Variants in VPS13C observed in about 807,000 individuals in gnomAD.
VPS13C encodes the protein intermembrane lipid transfer protein VPS13C.
Under a neutral mutation model 456.8 loss-of-function variants are expected in VPS13C, and 358 were observed. The observed-to-expected ratio is 0.78, with a 90% confidence interval of 0.72 to 0.86. The LOEUF (loss-of-function observed/expected upper bound fraction) is 0.86, where lower values mean the gene tolerates loss of function less well. Among genes scored for constraint, VPS13C ranks in the 40% least tolerant of loss-of-function variants. The pLI, the probability that VPS13C is intolerant of heterozygous loss-of-function variation, is 0.00. For missense variants in VPS13C, 4,818 were observed against 4,385.4 expected, an observed-to-expected ratio of 1.10 and a Z score of -2.79; for synonymous variants, 1,578 against 1,486.7, an observed-to-expected ratio of 1.06 and a Z score of -1.41.
chr15:61,944,502 G>A (rs753951938), intron 45 of VPS13C, among the ~76,000 whole-genome samples: 1 of 152,126 alleles, frequency 6.6e-6, no homozygotes, highest in Non-Finnish European at 1.5e-5. Context: ...AATGCAGCTG[G>A]AGGCCATTAT....
chr15:61,857,335 T>C (rs1314222832), intron 82 of VPS13C, among the ~76,000 whole-genome samples: 2 of 152,002 alleles, frequency 1.3e-5, no homozygotes, highest in Non-Finnish European at 1.5e-5. Context: ...ACTGGCAAAG[T>C]AGGTGACACA....
intron 79 of VPS13C, among the ~76,000 whole-genome samples, chr15:61,870,072 TATACC>T (rs1425745512): frequency 6.6e-6 from 1 of 152,244 alleles, no homozygotes; most frequent in African/African-American, 2.4e-5. Context: ...ATGCAATTCA[TATACC>T]ATAAAATTTA....
intron 60 of VPS13C, 112 bp from the exon 61 acceptor site, chr15:61,916,134 CT>C: frequency 8.1e-7 from 1 of 1,229,258 alleles, no homozygotes; most frequent in Non-Finnish European, 1.1e-6. Flanking sequence ...ACTGCTAAGT[CT>C]TCTGTGAAGT....
chr15:61,947,936 C>T (rs2140279711), intron 42 of VPS13C, among the ~76,000 whole-genome samples: 1 of 152,266 alleles, frequency 6.6e-6, no homozygotes, highest in South Asian at 2.1e-4. Context: ...CACAATCAAA[C>T]TAGCGCCCTA....
In VPS13C at chr15:62,044,465, AAAG is replaced by A. The variant is rs533692517; in HGVS notation, c.101-213_101-211del. Among the ~76,000 whole-genome samples the A allele has an allele frequency of 4.6e-5, 7 of 152,288 alleles. No individual in the cohort carries two copies. The South Asian group carries it at 1.4e-3, about 32-fold the overall frequency. ...GCATACTATAGGTTAATCCAGTGTA[AAAG>A]AAGTTATAACACATTAAACTAGCTA... On this transcript the variant is annotated intron_variant, in intron 1 of 84. Coordinates refer to ENST00000644861, the MANE Select transcript of VPS13C (RefSeq NM_020821.3).
chr15:61,908,576 A>G (rs1162290907), intron 65 of VPS13C, among the ~76,000 whole-genome samples: 1 of 152,062 alleles, frequency 6.6e-6, no homozygotes, highest in African/African-American at 2.4e-5. Flanking sequence ...CTAAATACAG[A>G]TTTATAGGAA....
Position 61,914,876 on chromosome 15 carries a change from C to T in VPS13C, c.8445+757G>A, listed in dbSNP as rs1384112674. 8.1e-3 allele frequency among the ~76,000 whole-genome samples: 529 copies of T among 65,082 alleles called. 26 individuals are homozygous for T. Among genetic ancestry groups the T allele is most frequent in the East Asian group, 0.044 (75 of 1,702 alleles). The allele number at this position is 65,082 out of a possible 152,430, so 42.7% of individuals were successfully genotyped here. ...CCACCGAGCCTGGCCAAAACTCTGC[C>T]TTAAAAAAAAAAAAAAAAAAAAAAA... On this transcript the variant is annotated intron_variant, in intron 61 of 84. Transcript: ENST00000644861.
rs145538497 is a variant in VPS13C at position 61,962,386 on chromosome 15, G to A, written c.3588C>T (p.Phe1196=). Residue 1196 remains phenylalanine (F), a synonymous_variant, in exon 34 of 85, where the codon TTC becomes TTT. Coordinates refer to ENST00000644861, the MANE Select transcript of VPS13C (RefSeq NM_020821.3). ...GCIQIVYLHK[F]LMSLLNFLNN... ...ATTATTTTACCAGAAGTGACATAAG[G>A]AATTTATGAAGATAGACAATCTGAA... The A allele has an allele frequency of 1.6e-5, 26 of 1,584,994 alleles. No homozygotes were observed. In the African/African-American group the frequency reaches 3.0e-4, roughly 18 times the overall value.
intron 37 of VPS13C, among the ~76,000 whole-genome samples, chr15:61,956,353 C>T (rs12909947): frequency 0.53 from 80,245 of 150,786 alleles, 21,681 homozygotes; most frequent in Middle Eastern, 0.71. Flanking sequence ...TGGGGGAGGG[C>T]TGAAAAACTA....
chr15:61,952,121 G>A, intron 38 of VPS13C, 141 bp from the exon 39 acceptor site: 1 of 1,016,588 alleles, frequency 9.8e-7, no homozygotes. Context: ...TGTGCCTGCA[G>A]TTTGGCATGA....
At chr15:61,945,101 T>G (rs2044560197) in intron 45 of VPS13C, among the ~76,000 whole-genome samples, 1 of 152,216 alleles carries the variant, frequency 6.6e-6, no homozygotes, top group South Asian at 2.1e-4. Flanking sequence ...AAGCTTGTTC[T>G]TGTCTGCTGT....
Position 61,962,843 on chromosome 15 carries a change from G to T in VPS13C, c.3341C>A (p.Ser1114Tyr). Reference sequence around the variant, plus strand: ...CTTTCTTGACTGGAGAGAAAGGGAGGAATCCAGTCCTGAAAAAAAGAGTGT... The same window carrying T: ...CTTTCTTGACTGGAGAGAAAGGGAGTAATCCAGTCCTGAAAAAAAGAGTGT... ...IAEIKIQGLD[S>Y]SLSLQSRKQS... Residue 1114 changes from serine to tyrosine, a missense_variant, in exon 33 of 85, where the codon TCC becomes TAC. By Grantham distance (144) the Ser-to-Tyr change is moderately radical (BLOSUM62 -2). This residue lies in a region of VPS13C where 4,552 missense variants were observed against 4,130.6 expected (regional missense o/e 1.10). Transcript: ENST00000644861. 1 of 1,598,026 alleles carries T rather than the reference G, an allele frequency of 6.3e-7. No individual in the cohort carries two copies.
intron 15 of VPS13C, among the ~76,000 whole-genome samples, chr15:62,006,252 CT>C (rs1421016291): frequency 6.6e-6 from 1 of 152,094 alleles, no homozygotes; most frequent in African/African-American, 2.4e-5. Flanking sequence ...TATCCCTCCC[CT>C]CTCCCCGCAC....
chr15:61,888,658 T>C (rs755389240), intron 67 of VPS13C, among the ~76,000 whole-genome samples: 10 of 152,080 alleles, frequency 6.6e-5, no homozygotes, highest in Non-Finnish European at 1.5e-4. Flanking sequence ...AGAAAAACTT[T>C]GGAGACAATA....
intron 9 of VPS13C, 115 bp downstream of exon 9, chr15:62,020,364 T>C: frequency 1.3e-6 from 1 of 784,286 alleles, no homozygotes; most frequent in Non-Finnish European, 1.9e-6. Context: ...AGCATGATAA[T>C]ATATTTAAAA....
chr15:62,017,136 G>A (rs1567114701), intron 9 of VPS13C, among the ~76,000 whole-genome samples: 2 of 152,090 alleles, frequency 1.3e-5, no homozygotes, highest in Non-Finnish European at 1.5e-5. Flanking sequence ...TGATGGGGTT[G>A]TTTTTTTCTT....
At chr15:61,873,792 C>T (rs1895208188) in intron 77 of VPS13C, among the ~76,000 whole-genome samples, 1 of 151,988 alleles carries the variant, frequency 6.6e-6, no homozygotes, top group African/African-American at 2.4e-5. Context: ...ACTAGAACTA[C>T]CGTATGATCC....
chr15:61,925,755 T>C (rs1374402343), intron 52 of VPS13C, among the ~76,000 whole-genome samples: 13 of 152,234 alleles, frequency 8.5e-5, no homozygotes, highest in Admixed American at 8.5e-4. Flanking sequence ...GGAAAATCAC[T>C]TTAAGCCGTT....
chr15:62,052,487 C>T (rs754593934), intron 1 of VPS13C, among the ~76,000 whole-genome samples: 7 of 151,642 alleles, frequency 4.6e-5, no homozygotes, highest in African/African-American at 7.3e-5. Context: ...CATCCTGATA[C>T]GGTGAAACCC....
Sources: gnomAD v4.1 joint callset for allele counts (sites outside exome capture counted in the v4.1 genomes callset) on GRCh38, gnomAD v4.1.1 for gene constraint, gnomAD v4.1.1 regional missense constraint, MANE v1.5 for transcripts, NCBI Gene and HGNC (gene_info 2026-07-23, HGNC 2026-07-21) for gene names.